REST: variants seen among roughly 807,000 people sequenced by gnomAD.
REST encodes RE1 silencing transcription factor.
Under a neutral mutation model 30.4 loss-of-function variants are expected in REST, and 1 was observed. That is an observed-to-expected ratio of 0.03 (90% CI 0.01 to 0.16). The LOEUF (loss-of-function observed/expected upper bound fraction) is 0.16. Ranked by LOEUF, REST falls within the 10% of genes least tolerant of loss-of-function variation. REST has a pLI of 1.00. For missense variants in REST, 1,259 were observed against 1,329.5 expected (o/e 0.95, Z 0.82); for synonymous variants, 504 against 451.1 (o/e 1.12, Z -1.49).
intron 2 of REST, 28 bp from the exon 3 acceptor site, chr4:56,919,759 A>C (rs767180525): frequency 1.1e-5 from 16 of 1,399,298 alleles, no homozygotes; most frequent in Non-Finnish European, 1.4e-5. Flanking sequence ...TGACATTTAA[A>C]CACTCTTATA....
At chr4:56,926,432 A>G (rs534757049) in intron 3 of REST, among the ~76,000 whole-genome samples, 1 of 149,754 alleles carries the variant, frequency 6.7e-6, no homozygotes, top group African/African-American at 2.5e-5. Context: ...GCTGGAGTGC[A>G]GTAGTGCGAT....
At chr4:56,927,598 G>A in intron 3 of REST, 1 of 1,063,424 alleles carries the variant, frequency 9.4e-7, no homozygotes, top group Admixed American at 4.6e-5. Flanking sequence ...TTTCTACTAT[G>A]CATTCCATTG....
In REST at chr4:56,930,153, AACGAGAGGCTG is replaced by A; in HGVS notation, c.1298_1308del (p.Arg433LeufsTer3). The stretch of plus-strand genomic sequence containing the variant: ...AAAGTGAAACTAAAGAAAACCAAAA[AACGAGAGGCTG>A]ACTTGCCTGATAATATTACCAATGA... On this transcript the variant is annotated frameshift_variant, in exon 4 of 4. Transcript: ENST00000309042. LOFTEE classifies it low-confidence loss of function (END_TRUNC). The A allele has an allele frequency of 6.2e-7, 1 of 1,613,438 alleles. No individual in the cohort carries two copies.
chr4:56,919,082 T>G (rs934242201), intron 2 of REST, among the ~76,000 whole-genome samples: 1 of 152,046 alleles, frequency 6.6e-6, no homozygotes, highest in African/African-American at 2.4e-5. Flanking sequence ...TTTTTTTGTA[T>G]TTTTAGCAGA....
At position 56,933,553 on chromosome 4, in the gene REST, T is replaced by C. The variant is rs1222024369; in HGVS notation, c.*1401T>C. 2 of 152,138 alleles carry C rather than the reference T, an allele frequency of 1.3e-5. No homozygotes were observed. Among genetic ancestry groups the C allele is most frequent in the Admixed American group, 1.3e-4 (2 of 15,266 alleles). The allele number at this position is 152,138 out of a possible 1,614,324, so 9.4% of individuals were successfully genotyped here. A position where few individuals can be genotyped will look rare whatever the true frequency, so the allele number is the denominator to read the frequency against. On this transcript the variant is annotated 3_prime_UTR_variant, in exon 4 of 4. Coordinates refer to ENST00000309042, the MANE Select transcript of REST (RefSeq NM_005612.5). ...TTTTAAAATCATACTTTCTCAGGGA[T>C]CTCCACAAACTGGTGGGTGTCCTGG...
intron 3 of REST, among the ~76,000 whole-genome samples, chr4:56,921,424 G>GT (rs1438378718): frequency 5.3e-5 from 8 of 151,026 alleles, no homozygotes; most frequent in African/African-American, 1.7e-4. Flanking sequence ...TTTTTTTTCT[G>GT]TTGAGACAGA....
chr4:56,908,153 A>C lies in REST; in HGVS notation c.-70A>C. On this transcript the variant is annotated 5_prime_UTR_variant, in exon 1 of 4. Transcript: ENST00000309042. ...CCCCCGAAACTCCAGCAACAAAGAA[A>C]AGTAGTCGGAGAAGGAGCGGCGACT... is the stretch of plus-strand genomic sequence containing the variant. 4.3e-6 allele frequency: 1 copy of C among 230,446 alleles called. No individual in the cohort carries two copies. 14.3% of individuals were successfully genotyped at this position (230,446 alleles called of 1,614,324 possible). A position where few individuals can be genotyped will look rare whatever the true frequency, so the allele number is the denominator to read the frequency against.
chr4:56,910,146 C>A (rs1237948870), intron 1 of REST, among the ~76,000 whole-genome samples: 2 of 152,096 alleles, frequency 1.3e-5, no homozygotes, highest in Non-Finnish European at 2.9e-5. Flanking sequence ...CTTGTACTTT[C>A]CAGATGTGTT....
intron 3 of REST, among the ~76,000 whole-genome samples, chr4:56,929,058 C>T (rs1720841868): frequency 6.6e-6 from 1 of 150,756 alleles, no homozygotes; most frequent in Admixed American, 6.7e-5. Context: ...TCCACTATGC[C>T]TGGCTAATTT....
intron 3 of REST, among the ~76,000 whole-genome samples, chr4:56,929,471 C>T (rs1322439573): frequency 1.3e-5 from 2 of 151,012 alleles, no homozygotes; most frequent in Non-Finnish European, 3.0e-5. Context: ...ATTTTCTACT[C>T]CATTAGGCAT....
At chr4:56,920,130 G>A (rs761968698) in intron 3 of REST, 4 of 280,880 alleles carry the variant, frequency 1.4e-5, no homozygotes, top group African/African-American at 2.2e-5. Context: ...GAAGCGTTCC[G>A]TGACTCCAAC....
intron 3 of REST, among the ~76,000 whole-genome samples, chr4:56,926,516 G>A (rs2140147): frequency 0.57 from 86,296 of 151,352 alleles, 24,758 homozygotes; most frequent in Admixed American, 0.64. Flanking sequence ...AGCTGGGACT[G>A]TAGGCACGCA....
Position 56,935,340 on chromosome 4 carries a change from A to C in REST, c.*3188A>C, listed in dbSNP as rs1721110552. On this transcript the variant is annotated 3_prime_UTR_variant, in exon 4 of 4. Transcript: ENST00000309042. ...TCCTAGTTTCCTGGTTGACCTCAGC[A>C]GATGAAGTGAACAGATAGTGTTAAT... is the stretch of plus-strand genomic sequence containing the variant. The C allele has an allele frequency of 1.3e-5, 2 of 152,240 alleles. No homozygotes were observed. The highest frequency in any genetic ancestry group is 6.5e-5 in the Admixed American group (1 of 15,282). 9.4% of individuals were successfully genotyped at this position (152,240 alleles called of 1,614,324 possible). A position where few individuals can be genotyped will look rare whatever the true frequency, so the allele number is the denominator to read the frequency against.
intron 3 of REST, among the ~76,000 whole-genome samples, chr4:56,924,599 A>G (rs1290178522): frequency 6.7e-6 from 1 of 148,942 alleles, no homozygotes; most frequent in Non-Finnish European, 1.5e-5. Flanking sequence ...CTGGGACCAC[A>G]GGTGTGCGCT....
At position 56,930,161 on chromosome 4, in the gene REST, G is replaced by A. The variant is rs760836798; in HGVS notation, c.1303G>A (p.Ala435Thr). 6.2e-7 allele frequency: 1 copy of A among 1,613,250 alleles called. No individual in the cohort carries two copies. Among genetic ancestry groups the A allele is most frequent in the Non-Finnish European group, 8.5e-7 (1 of 1,179,854 alleles). The change falls in exon 4 of 4, where the codon GCT becomes ACT. Residue 435 changes from alanine (A) to threonine (T), a missense_variant. Physicochemically the swap from Ala to Thr is moderately conservative, Grantham distance 58 (BLOSUM62 0). Around this residue, in one of 5 missense-constraint regions of REST, gnomAD observed 856 missense variants for 772.8 expected, o/e 1.11. Transcript: ENST00000309042. Reference protein sequence around the residue: ...VKLKKTKKREADLPDNITNEK... With the variant: ...VKLKKTKKRETDLPDNITNEK... ...ACTAAAGAAAACCAAAAAACGAGAG[G>A]CTGACTTGCCTGATAATATTACCAA...
intron 2 of REST, 72 bp from the exon 3 acceptor site, chr4:56,919,715 G>A: frequency 1.1e-6 from 1 of 898,810 alleles, no homozygotes. Flanking sequence ...GAACATTGTT[G>A]CATTGTTAGT....
rs750555052 is a variant in REST, at chr4:56,930,095, C to T, written c.1237C>T (p.Pro413Ser). The part of the protein sequence containing the change: ...NLQYHFKSKH[P>S]TCPNKTMDVS... ...ACAGTATCACTTCAAATCTAAGCAT[C>T]CTACTTGTCCTAATAAAACAATGGA... Residue 413 changes from proline to serine, a missense_variant, in exon 4 of 4, where the codon CCT becomes TCT. By Grantham distance (74) the Pro-to-Ser change is moderately conservative (BLOSUM62 -1). Around this residue, in one of 5 missense-constraint regions of REST, gnomAD observed 125 missense variants for 255.4 expected, o/e 0.49. Transcript: ENST00000309042. 6.2e-7 allele frequency: 1 copy of T among 1,613,606 alleles called. No homozygotes were observed. Among genetic ancestry groups the T allele is most frequent in the Admixed American group, 1.7e-5 (1 of 59,912 alleles).
intron 1 of REST, 96 bp from the exon 2 acceptor site, chr4:56,910,534 A>C: frequency 9.3e-7 from 1 of 1,078,852 alleles, no homozygotes; most frequent in Non-Finnish European, 1.3e-6. Context: ...CATACTGGAA[A>C]ATTTTTAAGT....
chr4:56,924,706 A>G (rs1720605066), intron 3 of REST, among the ~76,000 whole-genome samples: 1 of 151,206 alleles, frequency 6.6e-6, no homozygotes, highest in South Asian at 2.1e-4. Context: ...CAAGCGATCC[A>G]CTTGCCTCAC....
Sources: gnomAD v4.1 joint callset for allele counts (sites outside exome capture counted in the v4.1 genomes callset) on GRCh38, gnomAD v4.1.1 for gene constraint, gnomAD v4.1.1 regional missense constraint, MANE v1.5 for transcripts, NCBI Gene and HGNC (gene_info 2026-07-23, HGNC 2026-07-21) for gene names.